The following SKAP1 variants were observed in gnomAD, a reference collection of about 807,000 sequenced individuals.
SKAP1 encodes the protein src kinase-associated phosphoprotein 1.
In SKAP1, 44 loss-of-function variants were observed where a neutral mutation model predicts 58.5. The ratio of observed to expected loss-of-function variants is 0.75; its 90% CI spans 0.59 to 0.97. The LOEUF is 0.97. SKAP1 is among the 50% of genes least tolerant of loss of function. The probability of loss-of-function intolerance (pLI) is 0.00; values close to 1 mark genes in which losing one functional copy is unlikely to be tolerated. For missense variants in SKAP1, 390 were observed against 435.2 expected (o/e 0.90, Z 0.92); for synonymous variants, 127 against 149.7 (o/e 0.85, Z 1.11).
upstream of SKAP1, among the ~76,000 whole-genome samples, chr17:48,430,736 G>A (rs368798739): frequency 6.6e-6 from 1 of 152,298 alleles, no homozygotes; most frequent in Admixed American, 6.5e-5. Flanking sequence ...TGGGAGAATC[G>A]CGGCAGCGTG....
intron 4 of SKAP1, among the ~76,000 whole-genome samples, chr17:48,345,346 T>C (rs2066709560): frequency 6.6e-6 from 1 of 152,210 alleles, no homozygotes. Context: ...TCCCAAATAT[T>C]CAAGTAAAAT....
intron 4 of SKAP1, among the ~76,000 whole-genome samples, chr17:48,239,126 T>C (rs2065214773): frequency 6.6e-6 from 1 of 152,208 alleles, no homozygotes; most frequent in Non-Finnish European, 1.5e-5. Flanking sequence ...TTTAAAAATA[T>C]GAACACTTGG....
chr17:48,273,593 T>A (rs1263088657), intron 4 of SKAP1, among the ~76,000 whole-genome samples: 1 of 152,018 alleles, frequency 6.6e-6, no homozygotes, highest in Admixed American at 6.5e-5. Context: ...AATTTTTGTA[T>A]TTTTAGCAGA....
chr17:48,326,351 C>CT (rs2066436919), intron 4 of SKAP1, among the ~76,000 whole-genome samples: 1 of 152,122 alleles, frequency 6.6e-6, no homozygotes, highest in African/African-American at 2.4e-5. Flanking sequence ...TGTTTCAAAG[C>CT]TACAGAAATA....
rs370189206 is a variant in SKAP1 at position 48,189,352 on chromosome 17, TGTTA to T, written c.358+67_358+70del. 389 of 1,264,080 alleles carry T rather than the reference TGTTA, an allele frequency of 3.1e-4. 3 individuals carry two copies. The African/African-American group carries it at 5.2e-3, about 17-fold the overall frequency. The allele number at this position is 1,264,080 out of a possible 1,614,324, so 78.3% of individuals were successfully genotyped here. A position where few individuals can be genotyped will look rare whatever the true frequency, so the allele number is the denominator to read the frequency against. On this transcript the variant is annotated intron_variant, in intron 5 of 12. Transcript: ENST00000336915. The stretch of plus-strand genomic sequence containing the variant: ...CCGGGCACAGAGAAGGCATCCAATG[TGTTA>T]GCCTTCTTTTTCCTCACTTCCCTTC...
At chr17:48,269,932 G>A (rs746716080) in intron 4 of SKAP1, among the ~76,000 whole-genome samples, 54 of 152,072 alleles carry the variant, frequency 3.6e-4, no homozygotes, top group Non-Finnish European at 6.6e-4. Context: ...GACCAACATG[G>A]AGAAACCCTG....
At chr17:48,137,134 A>C in intron 12 of SKAP1, 95 bp downstream of exon 12, 1 of 692,768 alleles carries the variant, frequency 1.4e-6, no homozygotes, top group Non-Finnish European at 2.5e-6. Context: ...AAGAAAAGCT[A>C]CTTCACTGGC....
At chr17:48,290,850 G>C (rs2065889588) in intron 4 of SKAP1, among the ~76,000 whole-genome samples, 1 of 152,162 alleles carries the variant, frequency 6.6e-6, no homozygotes, top group Non-Finnish European at 1.5e-5. Context: ...AAAAATTAAA[G>C]ACACTTCTGA....
rs554189288 is a variant in SKAP1, at chr17:48,406,841, C to T, written c.47-10056G>A. ...TCGGCCTCCCAAAGTGCTGGGATTA[C>T]GGGTGTAAGCCACTGTGCCCAACCA... On this transcript the variant is annotated intron_variant, in intron 1 of 12. Coordinates refer to ENST00000336915, the MANE Select transcript of SKAP1 (RefSeq NM_003726.4). 2.6e-3 allele frequency among the ~76,000 whole-genome samples: 397 copies of T among 152,158 alleles called. 10 individuals are homozygous for T. Among genetic ancestry groups the T allele is most frequent in the Admixed American group, 0.017 (258 of 15,278 alleles).
chr17:48,144,244 T>C (rs2063802297), intron 11 of SKAP1, among the ~76,000 whole-genome samples: 1 of 152,194 alleles, frequency 6.6e-6, no homozygotes, highest in Non-Finnish European at 1.5e-5. Context: ...TTTCATCCCT[T>C]GGCTGTATAC....
chr17:48,404,323 A>G (rs1258153605), intron 1 of SKAP1, among the ~76,000 whole-genome samples: 1 of 151,788 alleles, frequency 6.6e-6, no homozygotes, highest in Non-Finnish European at 1.5e-5. Context: ...GTAGTGGCAC[A>G]TGCCTGTAAT....
At chr17:48,256,528 T>C (rs527802979) in intron 4 of SKAP1, among the ~76,000 whole-genome samples, 2 of 152,204 alleles carry the variant, frequency 1.3e-5, no homozygotes, top group Admixed American at 6.5e-5. Context: ...ACATTGACAA[T>C]GAAGGAGACT....
At chr17:48,222,967 G>C (rs961853018) in intron 4 of SKAP1, among the ~76,000 whole-genome samples, 7 of 148,242 alleles carry the variant, frequency 4.7e-5, no homozygotes, top group African/African-American at 1.7e-4. Flanking sequence ...GGGAGGCTGA[G>C]GCAGGAGAAT....
At chr17:48,236,796 A>G (rs895711990) in intron 4 of SKAP1, among the ~76,000 whole-genome samples, 3 of 152,230 alleles carry the variant, frequency 2.0e-5, no homozygotes, top group East Asian at 1.9e-4. Flanking sequence ...GTCATTTAGT[A>G]TATCTGTAGA....
chr17:48,176,087 C>A (rs2064286076), intron 9 of SKAP1, among the ~76,000 whole-genome samples: 1 of 152,168 alleles, frequency 6.6e-6, no homozygotes, highest in Non-Finnish European at 1.5e-5. Context: ...ATGCTTGTTT[C>A]CATTTGACTC....
chr17:48,274,038 T>C (rs1436975309), intron 4 of SKAP1, among the ~76,000 whole-genome samples: 1 of 152,156 alleles, frequency 6.6e-6, no homozygotes, highest in African/African-American at 2.4e-5. Flanking sequence ...ATCCTCCTGC[T>C]TCAGCCTCCT....
At position 48,299,398 on chromosome 17, in the gene SKAP1, C is replaced by T. The variant is rs201913984; in HGVS notation, c.280+46507G>A. Among the ~76,000 whole-genome samples, 331 of 152,262 alleles carry T rather than the reference C, an allele frequency of 2.2e-3. 2 individuals are homozygous for T. Among genetic ancestry groups the T allele is most frequent in the Admixed American group, 7.6e-3 (117 of 15,298 alleles). On this transcript the variant is annotated intron_variant, in intron 4 of 12. Transcript: ENST00000336915. Reference sequence around the variant, plus strand: ...TTGGATCTATCTGGTATAGTGTTTTCCATCCTTCAGTATTTCTGATGTCTA... The same window carrying T: ...TTGGATCTATCTGGTATAGTGTTTTTCATCCTTCAGTATTTCTGATGTCTA...
intron 9 of SKAP1, among the ~76,000 whole-genome samples, chr17:48,171,383 G>C (rs1030033964): frequency 5.3e-5 from 8 of 152,050 alleles, no homozygotes; most frequent in Admixed American, 2.6e-4. Flanking sequence ...TGGGATTACA[G>C]GCGTGAGCCA....
At chr17:48,289,510 A>G (rs908355491) in intron 4 of SKAP1, among the ~76,000 whole-genome samples, 11 of 152,180 alleles carry the variant, frequency 7.2e-5, no homozygotes, top group Non-Finnish European at 1.5e-4. Context: ...CTGATATTTG[A>G]AAAACTGATC....
Sources: gnomAD v4.1 joint callset for allele counts (sites outside exome capture counted in the v4.1 genomes callset) on GRCh38, gnomAD v4.1.1 for gene constraint, MANE v1.5 for transcripts, NCBI Gene and HGNC (gene_info 2026-07-23, HGNC 2026-07-21) for gene names.